SYNE2: variants seen among roughly 807,000 people sequenced by gnomAD.
The protein encoded by SYNE2 is spectrin repeat containing nuclear envelope protein 2.
Under a neutral mutation model 856.3 loss-of-function variants are expected in SYNE2, and 431 were observed. The ratio of observed to expected loss-of-function variants is 0.50; its 90% CI spans 0.47 to 0.55. The LOEUF is 0.55. Ranked by LOEUF, SYNE2 falls within the 20% of genes least tolerant of loss-of-function variation. The pLI is 0.00. For missense variants in SYNE2, 8,129 were observed against 8,023.2 expected (o/e 1.01, Z -0.50); for synonymous variants, 2,923 against 2,872.3 (o/e 1.02, Z -0.56).
intron 1 of SYNE2, among the ~76,000 whole-genome samples, chr14:63,771,826 G>A (rs1056533002): frequency 3.3e-5 from 5 of 152,022 alleles, no homozygotes; most frequent in Non-Finnish European, 5.9e-5. Context: ...GAACCCAAGA[G>A]GCGGAGGTTG....
At chr14:63,768,961 C>T (rs923172605) in intron 1 of SYNE2, among the ~76,000 whole-genome samples, 3 of 151,922 alleles carry the variant, frequency 2.0e-5, no homozygotes, top group Non-Finnish European at 2.9e-5. Context: ...AATCCTATTA[C>T]TAGGTCTAGC....
chr14:63,843,054 G>T (rs771849939), intron 1 of SYNE2, among the ~76,000 whole-genome samples: 1 of 151,678 alleles, frequency 6.6e-6, no homozygotes, highest in Non-Finnish European at 1.5e-5. Flanking sequence ...TTGAGATAGG[G>T]TCTCATTCTG....
At position 64,225,630 on chromosome 14, in the gene SYNE2, G is replaced by A. The variant is rs1212858154; in HGVS notation, c.*104G>A. ...GTGACTTAGTGTTGGCAAGGTCCCGGGACCTGTGCAGACTTCTTCTGGGCT... is the reference window on the plus strand; with the variant it reads ...GTGACTTAGTGTTGGCAAGGTCCCGAGACCTGTGCAGACTTCTTCTGGGCT... On this transcript the variant is annotated 3_prime_UTR_variant, in exon 116 of 116. Coordinates refer to ENST00000555002, the MANE Select transcript of SYNE2 (RefSeq NM_182914.3). 1.0e-5 allele frequency: 13 copies of A among 1,294,996 alleles called. No individual in the cohort carries two copies. The highest frequency in any genetic ancestry group is 1.5e-5 in the African/African-American group (1 of 68,020). The allele number at this position is 1,294,996 out of a possible 1,614,324, so 80.2% of individuals were successfully genotyped here. A position where few individuals can be genotyped will look rare whatever the true frequency, so the allele number is the denominator to read the frequency against.
chr14:63,774,204 C>G (rs1887024262), intron 1 of SYNE2, among the ~76,000 whole-genome samples: 1 of 152,024 alleles, frequency 6.6e-6, no homozygotes, highest in South Asian at 2.1e-4. Flanking sequence ...CGCAGTGGCT[C>G]ACGCCTGTAA....
chr14:64,037,570 T>A, intron 45 of SYNE2, among the ~76,000 whole-genome samples: 1 of 14,340 alleles, frequency 7.0e-5, no homozygotes, highest in East Asian at 4.5e-3. Flanking sequence ...TTTCTCAATC[T>A]TTTCCCCACC....
Position 63,881,918 on chromosome 14 carries a change from G to T in SYNE2, c.-51-27180G>T, listed in dbSNP as rs111501614. On this transcript the variant is annotated intron_variant, in intron 1 of 115. Transcript: ENST00000555002. ...ATTATGGAGACTGTTAGCCTTATGG[G>T]AATTTTATTACTCTTTAGAATAGTG... is the stretch of plus-strand genomic sequence containing the variant. Among the ~76,000 whole-genome samples the T allele has an allele frequency of 1.2e-3, 189 of 152,262 alleles. 2 individuals carry two copies. Among genetic ancestry groups the T allele is most frequent in the African/African-American group, 4.3e-3 (177 of 41,552 alleles).
At chr14:63,941,828 A>T in intron 4 of SYNE2, 38 bp downstream of exon 4, 1 of 1,611,896 alleles carries the variant, frequency 6.2e-7, no homozygotes, top group South Asian at 1.1e-5. Context: ...CTTTCTGTTG[A>T]CTTAAAAAAT....
At position 64,052,688 on chromosome 14, in the gene SYNE2, C is replaced by T. The variant is rs778905999; in HGVS notation, c.8775C>T (p.Asn2925=). Residue 2925 remains asparagine (N), a synonymous_variant, in exon 48 of 116, where the codon AAC becomes AAT. Coordinates refer to ENST00000555002, the MANE Select transcript of SYNE2 (RefSeq NM_182914.3). Reference sequence around the variant, plus strand: ...TGAAAAATCTTAAGATTAGGACCAACAGAATACAAAGATTCATTCAGAATA... The same window carrying T: ...TGAAAAATCTTAAGATTAGGACCAATAGAATACAAAGATTCATTCAGAATA... ...DQLKNLKIRT[N]RIQRFIQNTC... 8 of 1,613,762 alleles carry T rather than the reference C, an allele frequency of 5.0e-6. No individual in the cohort carries two copies. The highest frequency in any genetic ancestry group is 4.4e-5 in the South Asian group (4 of 91,020).
chr14:64,220,450 C>T lies in SYNE2; in HGVS notation c.19874C>T (p.Ala6625Val), dbSNP rs751429541. The change falls in exon 111 of 116, where the codon GCC becomes GTC. Residue 6625 changes from alanine to valine, a missense_variant. By Grantham distance (64) the Ala-to-Val change is moderately conservative. Transcript: ENST00000555002. The stretch of plus-strand genomic sequence containing the variant: ...TCTCTCTGGTAGGAGATACTGAAAG[C>T]CTTTGACACTTACAAGGCATTAGTG... Reference protein sequence around the residue: ...RVKRLQEILKAFDTYKALVVS... With the variant: ...RVKRLQEILKVFDTYKALVVS... The T allele has an allele frequency of 6.2e-7, 1 of 1,614,228 alleles. No homozygotes were observed. The highest frequency in any genetic ancestry group is 1.3e-5 in the African/African-American group (1 of 75,058).
At chr14:64,066,597 A>G (rs568705921) in intron 51 of SYNE2, among the ~76,000 whole-genome samples, 58 of 152,362 alleles carry the variant, frequency 3.8e-4, no homozygotes, top group Non-Finnish European at 7.2e-4. Context: ...ATCCTTAAAA[A>G]TGAATTTTAT....
intron 1 of SYNE2, among the ~76,000 whole-genome samples, chr14:63,845,956 C>G (rs1391951484): frequency 6.6e-6 from 1 of 151,448 alleles, no homozygotes; most frequent in East Asian, 1.9e-4. Flanking sequence ...GTTGGCCAGG[C>G]TGGTCTCAAA....
chr14:64,190,261 T>A (rs1274259164), intron 99 of SYNE2, 24 bp downstream of exon 99: 1 of 1,613,922 alleles, frequency 6.2e-7, no homozygotes, highest in East Asian at 2.2e-5. Context: ...TAAAAATGAT[T>A]ACTCTCCAGG....
intron 45 of SYNE2, among the ~76,000 whole-genome samples, chr14:64,039,238 A>G (rs756318107): frequency 1.3e-5 from 2 of 152,256 alleles, no homozygotes; most frequent in Non-Finnish European, 2.9e-5. Flanking sequence ...TTGCCAGGTT[A>G]CAAGTATTGG....
chr14:64,182,113 A>G (rs544702615), intron 96 of SYNE2, among the ~76,000 whole-genome samples: 1 of 152,336 alleles, frequency 6.6e-6, no homozygotes, highest in East Asian at 1.9e-4. Context: ...GGGACTTGAC[A>G]GTTCCACTGG....
intron 45 of SYNE2, among the ~76,000 whole-genome samples, chr14:64,047,351 C>T (rs1028491142): frequency 6.6e-6 from 1 of 151,978 alleles, no homozygotes; most frequent in African/African-American, 2.4e-5. Flanking sequence ...CAAAGGAGAG[C>T]ATAACAGTGT....
At chr14:63,814,779 C>CAT (rs376238602) in intron 1 of SYNE2, among the ~76,000 whole-genome samples, 34 of 14,448 alleles carry the variant, frequency 2.4e-3, no homozygotes, top group East Asian at 0.018. Flanking sequence ...TATATATATC[C>CAT]ATATATATCC....
chr14:63,882,188 A>G (rs2094880789), intron 1 of SYNE2, among the ~76,000 whole-genome samples: 1 of 152,200 alleles, frequency 6.6e-6, no homozygotes, highest in Non-Finnish European at 1.5e-5. Context: ...AGAAGCAGTC[A>G]GCTCTTTCCA....
At chr14:63,893,661 G>A (rs901663596) in intron 1 of SYNE2, among the ~76,000 whole-genome samples, 1 of 152,048 alleles carries the variant, frequency 6.6e-6, no homozygotes, top group Non-Finnish European at 1.5e-5. Context: ...CAACTATATG[G>A]CATACACTAT....
intron 44 of SYNE2, 45 bp downstream of exon 44, chr14:64,030,104 T>A (rs1594976818): frequency 6.4e-7 from 1 of 1,552,052 alleles, no homozygotes; most frequent in Non-Finnish European, 8.9e-7. Context: ...AAAAAAAAAA[T>A]CAGTGTTAAT....
Sources: gnomAD v4.1 joint callset for allele counts (sites outside exome capture counted in the v4.1 genomes callset) on GRCh38, gnomAD v4.1.1 for gene constraint, MANE v1.5 for transcripts, NCBI Gene and HGNC (gene_info 2026-07-23, HGNC 2026-07-21) for gene names.